MID1: variants seen among roughly 807,000 people sequenced by gnomAD.
The protein encoded by MID1 is midline 1, also known as E3 ubiquitin-protein ligase Midline-1.
In MID1, 7 loss-of-function variants were observed where a neutral mutation model predicts 40.4. That is an observed-to-expected ratio of 0.17 (90% CI 0.10 to 0.33). The LOEUF is 0.33. Ranked by LOEUF, MID1 falls within the 10% of genes least tolerant of loss-of-function variation. The probability of loss-of-function intolerance (pLI) is 1.00; values close to 1 mark genes in which losing one functional copy is unlikely to be tolerated. For synonymous variants in MID1, 229 were observed against 221.2 expected (o/e 1.04, Z -0.31); for missense variants, 367 against 558.5 (o/e 0.66, Z 3.46).
chrX:10,565,148 C>T (rs1329097463), intron 2 of MID1: 1 of 329,731 alleles, frequency 3.0e-6, no homozygotes, highest in Admixed American at 3.1e-5. Context: ...TCCTGTGCTG[C>T]CATGCACTGT....
chrX:10,506,210 G>A (rs977766942), intron 3 of MID1: 8 of 963,337 alleles, frequency 8.3e-6, no homozygotes, highest in Non-Finnish European at 1.0e-5. Flanking sequence ...AGAGACTTGA[G>A]TTTAGAGAAA....
chrX:10,602,311 A>G (rs1017270587), intron 1 of MID1, among the ~76,000 whole-genome samples: 1 of 107,067 alleles, frequency 9.3e-6, no homozygotes, highest in Non-Finnish European at 1.9e-5. Flanking sequence ...TCTTAAAAAC[A>G]GCTTTATTGA....
chrX:10,506,619 C>T (rs1367113692), intron 3 of MID1: 1 of 472,563 alleles, frequency 2.1e-6, no homozygotes, highest in African/African-American at 2.4e-5. Flanking sequence ...GTTCCCAGGC[C>T]AGGGAGATAG....
At chrX:10,727,315 C>T (rs2043400166) in intron 1 of MID1, among the ~76,000 whole-genome samples, 1 of 111,360 alleles carries the variant, frequency 9.0e-6, no homozygotes, top group Admixed American at 9.5e-5. Flanking sequence ...GATGGAGTTT[C>T]ACCATGTTGG....
intron 1 of MID1, among the ~76,000 whole-genome samples, chrX:10,636,009 C>A (rs1936105307): frequency 8.9e-6 from 1 of 111,969 alleles, no homozygotes; most frequent in African/African-American, 3.2e-5. Flanking sequence ...TCTTACCTAA[C>A]TATAGATATT....
chrX:10,757,468 G>A (rs1221822974), intron 1 of MID1, among the ~76,000 whole-genome samples: 8 of 112,262 alleles, frequency 7.1e-5, no homozygotes, highest in Non-Finnish European at 3.8e-5. Context: ...AGATCAATGG[G>A]ATGGAACATC....
In MID1 at chrX:10,564,713, G is replaced by A. The variant is rs1934459846; in HGVS notation, c.660+2175C>T. Among the ~76,000 whole-genome samples, 2 of 111,422 alleles carry A rather than the reference G, an allele frequency of 1.8e-5. 1 individual carries two copies. The highest frequency in any genetic ancestry group is 6.5e-5 in the African/African-American group (2 of 30,635). ...TTCTTCATAAATTTGGAGATGTTAT[G>A]TAAATATTTAATAACTCTGCTGTGA... On this transcript the variant is annotated intron_variant, in intron 2 of 9. Transcript: ENST00000317552.
At chrX:10,480,117 G>A (rs1930235054) in intron 5 of MID1, among the ~76,000 whole-genome samples, 1 of 111,962 alleles carries the variant, frequency 8.9e-6, no homozygotes, top group Non-Finnish European at 1.9e-5. Context: ...GGAGGAGAGG[G>A]GACTGCAGAA....
chrX:10,565,805 T>C (rs1859283), intron 2 of MID1, among the ~76,000 whole-genome samples: 1 of 101,192 alleles, frequency 9.9e-6, no homozygotes, highest in African/African-American at 3.9e-5. Context: ...ACTTAGAGAG[T>C]GATTTTTTTT....
chrX:10,479,101 T>A (rs759095417), intron 5 of MID1, among the ~76,000 whole-genome samples: 4 of 112,457 alleles, frequency 3.6e-5, no homozygotes, highest in Admixed American at 9.4e-5. Context: ...GGAGTAGCTA[T>A]AATGCTAATG....
intron 3 of MID1, among the ~76,000 whole-genome samples, chrX:10,498,762 T>C (rs1931392747): frequency 1.8e-5 from 2 of 112,540 alleles, no homozygotes; most frequent in African/African-American, 6.5e-5. Context: ...GTTTTCAAGG[T>C]TCATCTGTGT....
At chrX:10,625,864 G>A (rs903909741) in intron 1 of MID1, among the ~76,000 whole-genome samples, 1 of 111,439 alleles carries the variant, frequency 9.0e-6, no homozygotes, top group Non-Finnish European at 1.9e-5. Context: ...GAAAATAGAG[G>A]AACCAACATA....
At chrX:10,712,557 G>A (rs1423979956) in intron 1 of MID1, among the ~76,000 whole-genome samples, 2 of 110,627 alleles carry the variant, frequency 1.8e-5, no homozygotes, top group Non-Finnish European at 3.8e-5. Context: ...TACAAACCCT[G>A]GAACCAAGCC....
chrX:10,687,899 T>C (rs1008283400), intron 1 of MID1, among the ~76,000 whole-genome samples: 1 of 110,966 alleles, frequency 9.0e-6, no homozygotes, highest in Non-Finnish European at 1.9e-5. Context: ...CTATTTTTTG[T>C]AGAGATGGGG....
intron 1 of MID1, among the ~76,000 whole-genome samples, chrX:10,828,067 T>C (rs182432957): frequency 2.5e-4 from 28 of 111,687 alleles, no homozygotes; most frequent in African/African-American, 8.8e-4. Flanking sequence ...GAAAACATTG[T>C]GTTATAGATT....
chrX:10,563,498 T>C (rs1397353535), intron 2 of MID1, among the ~76,000 whole-genome samples: 1 of 112,236 alleles, frequency 8.9e-6, no homozygotes, highest in Non-Finnish European at 1.9e-5. Flanking sequence ...TAAATTCTCT[T>C]ATATGTTATG....
intron 1 of MID1, among the ~76,000 whole-genome samples, chrX:10,747,032 G>T (rs1213502355): frequency 9.0e-6 from 1 of 111,210 alleles, no homozygotes; most frequent in Non-Finnish European, 1.9e-5. Context: ...AGAAGAAATG[G>T]CTTGGGAGAG....
At chrX:10,556,019 TAAGA>T (rs1248136801) in intron 2 of MID1, among the ~76,000 whole-genome samples, 1 of 108,465 alleles carries the variant, frequency 9.2e-6, no homozygotes, top group Non-Finnish European at 1.9e-5. Context: ...CTTCCTATTC[TAAGA>T]GAGACAGCTG....
intron 1 of MID1, among the ~76,000 whole-genome samples, chrX:10,724,383 G>A (rs1263313683): frequency 8.9e-6 from 1 of 112,138 alleles, no homozygotes; most frequent in Non-Finnish European, 1.9e-5. Context: ...TGTTGTCAGA[G>A]TAAGATGCTG....
Sources: allele counts gnomAD v4.1 joint callset (sites outside exome capture counted in the v4.1 genomes callset), GRCh38; gene constraint gnomAD v4.1.1; transcripts MANE v1.5; gene names NCBI Gene and HGNC (gene_info 2026-07-23, HGNC 2026-07-21).